TENM3: variants seen among roughly 807,000 people sequenced by gnomAD.
TENM3 encodes teneurin transmembrane protein 3.
TENM3 carries 63 observed loss-of-function variants against 255.1 expected under a neutral mutation model. The observed-to-expected ratio is 0.25, with a 90% CI of 0.20 to 0.30. The LOEUF is 0.30. Among genes scored for constraint, TENM3 ranks in the 10% least tolerant of loss-of-function variants. TENM3 has a pLI of 1.00. For missense variants in TENM3, 2,929 were observed against 3,461.1 expected (o/e 0.85, Z 3.86); for synonymous variants, 1,306 against 1,322.3 (o/e 0.99, Z 0.27).
chr4:182,694,322 C>T (rs999734204), intron 12 of TENM3, among the ~76,000 whole-genome samples: 6 of 151,950 alleles, frequency 3.9e-5, no homozygotes, highest in South Asian at 2.1e-4. Flanking sequence ...GTTGCCCAGG[C>T]GGGCTGGTCT....
the TENM3 span, among the ~76,000 whole-genome samples, chr4:182,096,594 C>G: frequency 0.35 from 52,640 of 152,008 alleles, 9,217 homozygotes; most frequent in Middle Eastern, 0.44. Flanking sequence ...GTGAGACAAT[C>G]AGATATTGCG....
chr4:182,109,870 G>T, the TENM3 span, among the ~76,000 whole-genome samples: 5 of 152,264 alleles, frequency 3.3e-5, no homozygotes, highest in South Asian at 4.2e-4. Flanking sequence ...GGCAAACTAT[G>T]GCCCATGTGC....
the TENM3 span, among the ~76,000 whole-genome samples, chr4:181,930,701 GAC>G: frequency 2.6e-5 from 4 of 152,134 alleles, no homozygotes; most frequent in Non-Finnish European, 4.4e-5. Context: ...AAACCTGGCA[GAC>G]ACACAACAAA....
the TENM3 span, among the ~76,000 whole-genome samples, chr4:182,018,813 A>C: frequency 6.6e-6 from 1 of 152,222 alleles, no homozygotes; most frequent in Non-Finnish European, 1.5e-5. Context: ...ACCTAGTGCC[A>C]GACATGGTAC....
intron 16 of TENM3, among the ~76,000 whole-genome samples, chr4:182,733,300 C>T (rs1479937783): frequency 6.6e-6 from 1 of 152,212 alleles, no homozygotes; most frequent in Non-Finnish European, 1.5e-5. Flanking sequence ...GAATAAATCA[C>T]AAGCCATTGG....
the TENM3 span, chr4:182,085,234 C>T: frequency 2.0e-5 from 3 of 152,102 alleles, no homozygotes; most frequent in Non-Finnish European, 4.4e-5. Context: ...AAACTGAGAA[C>T]TCCAGACATT....
At chr4:182,614,812 A>ATT (rs11447934) in intron 4 of TENM3, among the ~76,000 whole-genome samples, 1 of 151,612 alleles carries the variant, frequency 6.6e-6, no homozygotes, top group African/African-American at 2.4e-5. Context: ...AATGTGGAGT[A>ATT]TTTTTTCAAT....
intron 3 of TENM3, among the ~76,000 whole-genome samples, chr4:182,436,742 G>A (rs1311392257): frequency 2.0e-5 from 3 of 152,138 alleles, no homozygotes; most frequent in Non-Finnish European, 4.4e-5. Flanking sequence ...TCTTGGCCAG[G>A]CATGGTGGCT....
chr4:182,109,197 T>C, the TENM3 span, among the ~76,000 whole-genome samples: 1 of 147,836 alleles, frequency 6.8e-6, no homozygotes, highest in African/African-American at 2.5e-5. Context: ...CATTTAAGCC[T>C]ATAATTTATA....
intron 2 of TENM3, among the ~76,000 whole-genome samples, chr4:182,324,674 AC>A (rs1187244346): frequency 2.6e-5 from 4 of 152,174 alleles, no homozygotes; most frequent in Admixed American, 6.5e-5. Flanking sequence ...TCTTTCCCTC[AC>A]AAGAAAGTGT....
the TENM3 span, among the ~76,000 whole-genome samples, chr4:181,478,219 C>T: frequency 3.9e-5 from 6 of 152,166 alleles, no homozygotes; most frequent in Non-Finnish European, 7.3e-5. Context: ...CCATAAAATG[C>T]AAATGTGCTA....
the TENM3 span, among the ~76,000 whole-genome samples, chr4:181,703,251 C>T: frequency 6.6e-6 from 1 of 152,204 alleles, no homozygotes; most frequent in African/African-American, 2.4e-5. Context: ...GGGAGTCGTA[C>T]ATTGCATAGA....
the TENM3 span, among the ~76,000 whole-genome samples, chr4:181,835,886 T>A: frequency 6.6e-6 from 1 of 152,216 alleles, no homozygotes; most frequent in Non-Finnish European, 1.5e-5. Context: ...GGAACATTTT[T>A]TTTTCTTCCA....
chr4:182,528,367 G>A (rs1358534666), intron 3 of TENM3, among the ~76,000 whole-genome samples: 1 of 152,144 alleles, frequency 6.6e-6, no homozygotes, highest in Non-Finnish European at 1.5e-5. Context: ...CACATTCTCT[G>A]TGGCGCAGGG....
At chr4:181,514,836 G>A in the TENM3 span, among the ~76,000 whole-genome samples, 1 of 152,194 alleles carries the variant, frequency 6.6e-6, no homozygotes, top group Middle Eastern at 3.2e-3. Flanking sequence ...GAGGGCTGAA[G>A]AATGGATATC....
At chr4:182,478,879 A>G (rs1362897440) in intron 3 of TENM3, among the ~76,000 whole-genome samples, 1 of 151,682 alleles carries the variant, frequency 6.6e-6, no homozygotes, top group East Asian at 1.9e-4. Flanking sequence ...GTTTTAAAGT[A>G]CTCCTTTTGT....
intron 3 of TENM3, among the ~76,000 whole-genome samples, chr4:182,452,473 G>A (rs1461774709): frequency 6.6e-6 from 1 of 152,096 alleles, no homozygotes; most frequent in East Asian, 1.9e-4. Flanking sequence ...TACAAGCTGC[G>A]GAACTTCCTG....
intron 3 of TENM3, among the ~76,000 whole-genome samples, chr4:182,381,720 C>A (rs1412142315): frequency 1.3e-5 from 2 of 152,124 alleles, no homozygotes; most frequent in Admixed American, 6.5e-5. Context: ...CACCACCACG[C>A]CCGGCTAATT....
chr4:182,406,707 C>G (rs1327006017), intron 3 of TENM3, among the ~76,000 whole-genome samples: 1 of 152,200 alleles, frequency 6.6e-6, no homozygotes, highest in Non-Finnish European at 1.5e-5. Context: ...TCTCTAACTC[C>G]TTCACGTGTA....
Sources: allele counts gnomAD v4.1 joint callset (sites outside exome capture counted in the v4.1 genomes callset), GRCh38; gene constraint gnomAD v4.1.1; transcripts MANE v1.5; gene names NCBI Gene and HGNC (gene_info 2026-07-23, HGNC 2026-07-21).